The following SAMMSON variants were observed in gnomAD, a reference collection of about 807,000 sequenced individuals.
SAMMSON encodes the protein long intergenic non-protein coding RNA 1212.
chr3:70,193,516 C>T (rs966730389), intron 4 of SAMMSON, among the ~76,000 whole-genome samples: 1 of 151,986 alleles, frequency 6.6e-6, no homozygotes, highest in South Asian at 2.1e-4. Flanking sequence ...CCCAGGCTAC[C>T]AAGTCCAGCC....
intron 4 of SAMMSON, among the ~76,000 whole-genome samples, chr3:70,181,765 C>T (rs1375411077): frequency 1.3e-5 from 2 of 152,196 alleles, no homozygotes; most frequent in African/African-American, 2.4e-5. Context: ...TATGTTTAGA[C>T]ATTTTCACAC....
Position 70,425,555 on chromosome 3 carries a change from G to T in SAMMSON, n.234-37005G>T, listed in dbSNP as rs184760233. 3.7e-3 allele frequency among the ~76,000 whole-genome samples: 555 copies of T among 150,674 alleles called. 3 individuals are homozygous for T. The highest frequency in any genetic ancestry group is 0.013 in the African/African-American group (536 of 40,900). ...GCCTCCCTAGTAGCTGGGACTACAGGTGCCCGCCACCACGCCCAGCTATTT... is the reference window on the plus strand; with the variant it reads ...GCCTCCCTAGTAGCTGGGACTACAGTTGCCCGCCACCACGCCCAGCTATTT... On this transcript the variant is annotated intron_variant and non_coding_transcript_variant, in intron 2 of 3. Coordinates refer to the SAMMSON transcript ENST00000641053.
chr3:70,278,173 G>T (rs1016053545), intron 6 of SAMMSON, among the ~76,000 whole-genome samples: 9 of 151,958 alleles, frequency 5.9e-5, no homozygotes, highest in African/African-American at 1.9e-4. Flanking sequence ...ATATAAATGG[G>T]CTCATAGTGT....
chr3:70,343,399 G>T (rs1209791235), intron 7 of SAMMSON, among the ~76,000 whole-genome samples: 1 of 152,006 alleles, frequency 6.6e-6, no homozygotes, highest in East Asian at 1.9e-4. Flanking sequence ...TACTGTGAGT[G>T]TTTTCAAATT....
chr3:70,119,336 G>A (rs976155035), intron 4 of SAMMSON, among the ~76,000 whole-genome samples: 1 of 152,100 alleles, frequency 6.6e-6, no homozygotes, highest in Admixed American at 6.6e-5. Context: ...CAAAGTGCTG[G>A]GATTACAGGC....
intron 4 of SAMMSON, among the ~76,000 whole-genome samples, chr3:70,159,013 T>A (rs1158464707): frequency 8.5e-5 from 13 of 152,060 alleles, no homozygotes; most frequent in Non-Finnish European, 2.9e-5. Context: ...TTTCTGTTTT[T>A]TTCCTATACT....
chr3:70,339,976 T>G (rs1702698267), intron 7 of SAMMSON, among the ~76,000 whole-genome samples: 3 of 152,078 alleles, frequency 2.0e-5, no homozygotes, highest in Admixed American at 2.0e-4. Flanking sequence ...GTGGCACTAT[T>G]CACAATAGCA....
intron 3 of SAMMSON, chr3:70,014,389 T>C (rs1440213853): frequency 6.6e-6 from 1 of 151,824 alleles, no homozygotes; most frequent in African/African-American, 2.4e-5. Flanking sequence ...AAATCAACGC[T>C]GTTCACTACG....
At chr3:70,022,210 A>T (rs2107580966) in intron 3 of SAMMSON, among the ~76,000 whole-genome samples, 1 of 149,362 alleles carries the variant, frequency 6.7e-6, no homozygotes, top group South Asian at 2.1e-4. Context: ...GATTCAAATG[A>T]CAACGTGATA....
intron 4 of SAMMSON, among the ~76,000 whole-genome samples, chr3:70,088,335 G>A (rs935542301): frequency 3.9e-5 from 6 of 152,132 alleles, no homozygotes; most frequent in South Asian, 4.2e-4. Context: ...TAGGTTAGTC[G>A]TACTAACTAA....
intron 6 of SAMMSON, among the ~76,000 whole-genome samples, chr3:70,275,765 A>AAGTTTATAG (rs1702019050): frequency 6.6e-6 from 1 of 152,208 alleles, no homozygotes; most frequent in Non-Finnish European, 1.5e-5. Flanking sequence ...GTACTTTCAG[A>AAGTTTATAG]AGTTTATAGC....
chr3:70,199,547 T>G (rs1214434202), intron 4 of SAMMSON, among the ~76,000 whole-genome samples: 1 of 152,118 alleles, frequency 6.6e-6, no homozygotes, highest in Non-Finnish European at 1.5e-5. Context: ...CATGGTAACA[T>G]TAATGAATTG....
At chr3:70,196,234 T>C (rs1336873727) in intron 4 of SAMMSON, among the ~76,000 whole-genome samples, 1 of 152,210 alleles carries the variant, frequency 6.6e-6, no homozygotes, top group Non-Finnish European at 1.5e-5. Flanking sequence ...ATGAATAACC[T>C]GTTATGACAT....
chr3:70,323,743 C>T (rs1575625793), intron 7 of SAMMSON, among the ~76,000 whole-genome samples: 1 of 152,282 alleles, frequency 6.6e-6, no homozygotes, highest in East Asian at 1.9e-4. Context: ...TCACCTTGTT[C>T]CTTTTCTGCT....
intron 9 of SAMMSON, among the ~76,000 whole-genome samples, chr3:70,370,945 T>G (rs1289566820): frequency 6.6e-6 from 1 of 152,134 alleles, no homozygotes; most frequent in African/African-American, 2.4e-5. Context: ...CCATATAGTT[T>G]TGGGTCTTAA....
At chr3:70,175,081 GAA>G (rs1701000463) in intron 4 of SAMMSON, among the ~76,000 whole-genome samples, 1 of 152,056 alleles carries the variant, frequency 6.6e-6, no homozygotes, top group Non-Finnish European at 1.5e-5. Context: ...GCAATTAATA[GAA>G]AGTCTGGAGA....
intron 4 of SAMMSON, among the ~76,000 whole-genome samples, chr3:70,154,463 T>C (rs985110075): frequency 4.6e-5 from 7 of 152,018 alleles, no homozygotes; most frequent in Non-Finnish European, 7.4e-5. Context: ...TGTATTACAT[T>C]GCCTCTCATG....
At chr3:70,007,961 C>A (rs78278405) in intron 1 of SAMMSON, among the ~76,000 whole-genome samples, 1 of 151,686 alleles carries the variant, frequency 6.6e-6, no homozygotes, top group Non-Finnish European at 1.5e-5. Flanking sequence ...GTTGTAGATA[C>A]GCGGCATTAT....
At chr3:70,283,257 A>G (rs1481987934) in intron 6 of SAMMSON, among the ~76,000 whole-genome samples, 1 of 152,086 alleles carries the variant, frequency 6.6e-6, no homozygotes, top group Non-Finnish European at 1.5e-5. Context: ...TTGTAAACTC[A>G]TGCAGTCCTC....
Sources: allele counts gnomAD v4.1 joint callset (sites outside exome capture counted in the v4.1 genomes callset), GRCh38; gene constraint gnomAD v4.1.1; transcripts MANE v1.5; gene names NCBI Gene and HGNC (gene_info 2026-07-23, HGNC 2026-07-21).